NDST3: variants seen among roughly 807,000 people sequenced by gnomAD.
The protein encoded by NDST3 is bifunctional heparan sulfate N-deacetylase/N-sulfotransferase 3.
NDST3 carries 58 observed loss-of-function variants against 96.1 expected under a neutral mutation model. The observed-to-expected ratio is 0.60, with a 90% confidence interval of 0.49 to 0.75. NDST3 has a LOEUF of 0.75. Ranked by LOEUF, NDST3 falls within the 30% of genes least tolerant of loss-of-function variation. The pLI, the probability that NDST3 is intolerant of heterozygous loss-of-function variation, is 0.00. For synonymous variants in NDST3, 333 were observed against 359.7 expected (o/e 0.93, Z 0.84); for missense variants, 788 against 1,034.2 (o/e 0.76, Z 3.27).
At chr4:118,068,803 A>G (rs1197099543) in intron 2 of NDST3, among the ~76,000 whole-genome samples, 4 of 152,136 alleles carry the variant, frequency 2.6e-5, no homozygotes, top group Non-Finnish European at 4.4e-5. Context: ...ATTTAATTTT[A>G]CATATATAAG....
At chr4:118,137,428 T>C (rs755247083) in intron 4 of NDST3, among the ~76,000 whole-genome samples, 10 of 152,058 alleles carry the variant, frequency 6.6e-5, no homozygotes, top group Non-Finnish European at 1.3e-4. Context: ...ATTTGGCTGT[T>C]TCAGTACCTT....
At chr4:118,209,367 TG>T (rs988276236) in intron 6 of NDST3, among the ~76,000 whole-genome samples, 3 of 152,168 alleles carry the variant, frequency 2.0e-5, no homozygotes, top group African/African-American at 7.2e-5. Flanking sequence ...CTAACTGCAA[TG>T]GGGTCTTTCA....
At chr4:118,114,651 T>C (rs534888324) in intron 3 of NDST3, among the ~76,000 whole-genome samples, 155 bp from the exon 4 acceptor site, 1 of 152,376 alleles carries the variant, frequency 6.6e-6, no homozygotes, top group South Asian at 2.1e-4. Context: ...TAACAGATTT[T>C]CCTTGATACA....
At chr4:118,184,642 C>CACACAT (rs1560703570) in intron 6 of NDST3, among the ~76,000 whole-genome samples, 4 of 150,524 alleles carry the variant, frequency 2.7e-5, no homozygotes, top group African/African-American at 9.8e-5. Context: ...CACACACACA[C>CACACAT]ATATTCTCTG....
At chr4:118,247,489 T>G (rs1220153367) in intron 12 of NDST3, among the ~76,000 whole-genome samples, 1 of 150,092 alleles carries the variant, frequency 6.7e-6, no homozygotes. Context: ...GAGGTGGAGG[T>G]TGCAGTGAGC....
intron 6 of NDST3, chr4:118,194,149 C>T (rs1337480514): frequency 1.5e-5 from 14 of 921,804 alleles, no homozygotes; most frequent in South Asian, 9.0e-5. Flanking sequence ...CTCCTTTCTA[C>T]ATGCACTGAA....
chr4:118,194,257 C>G (rs993060744), intron 6 of NDST3: 2 of 723,240 alleles, frequency 2.8e-6, no homozygotes, highest in African/African-American at 3.5e-5. Flanking sequence ...TGATAGCACC[C>G]TCATTGGGCC....
chr4:118,149,023 A>G (rs1734173005), intron 6 of NDST3, among the ~76,000 whole-genome samples: 1 of 151,944 alleles, frequency 6.6e-6, no homozygotes, highest in Admixed American at 6.6e-5. Flanking sequence ...TCCTTTCCCC[A>G]TTGCTTGTTT....
At chr4:118,201,981 T>C (rs1475964150) in intron 6 of NDST3, among the ~76,000 whole-genome samples, 1 of 152,086 alleles carries the variant, frequency 6.6e-6, no homozygotes, top group East Asian at 1.9e-4. Flanking sequence ...AAGGTAGGGG[T>C]CTGGTTTCAT....
chr4:118,206,200 A>T (rs2125983632), intron 6 of NDST3, among the ~76,000 whole-genome samples: 1 of 144,384 alleles, frequency 6.9e-6, no homozygotes, highest in Admixed American at 6.9e-5. Context: ...CCTTCCTGTC[A>T]TCTGTGAACT....
chr4:118,181,254 C>T (rs1473554730), intron 6 of NDST3, among the ~76,000 whole-genome samples: 1 of 151,988 alleles, frequency 6.6e-6, no homozygotes, highest in Non-Finnish European at 1.5e-5. Context: ...TTTCCCATCT[C>T]CTGACCACCA....
At chr4:118,243,702 T>C (rs1741140798) in intron 12 of NDST3, among the ~76,000 whole-genome samples, 1 of 152,230 alleles carries the variant, frequency 6.6e-6, no homozygotes, top group Non-Finnish European at 1.5e-5. Flanking sequence ...TGGGTCTTTT[T>C]TATAGAGTAT....
intron 3 of NDST3, among the ~76,000 whole-genome samples, chr4:118,114,339 T>G (rs556583951): frequency 4.1e-4 from 62 of 152,298 alleles, no homozygotes; most frequent in African/African-American, 1.4e-3. Flanking sequence ...ACTGAGTAAC[T>G]TCTTCCCAGA....
intron 3 of NDST3, among the ~76,000 whole-genome samples, chr4:118,107,950 T>C (rs1730335707): frequency 6.6e-6 from 1 of 152,010 alleles, no homozygotes; most frequent in African/African-American, 2.4e-5. Context: ...AGAAAAGAGG[T>C]TTAAAGGACT....
chr4:118,148,937 T>G (rs1272150883), intron 6 of NDST3, among the ~76,000 whole-genome samples: 3 of 152,150 alleles, frequency 2.0e-5, no homozygotes, highest in African/African-American at 7.2e-5. Flanking sequence ...TTGTATAAGG[T>G]GTAAGGAAGG....
intron 4 of NDST3, among the ~76,000 whole-genome samples, chr4:118,136,554 G>C (rs1011472187): frequency 3.3e-5 from 5 of 152,070 alleles, no homozygotes; most frequent in African/African-American, 4.8e-5. Flanking sequence ...TAAATATGAT[G>C]GTTATGTAGT....
chr4:118,202,100 G>A (rs1166588233), intron 6 of NDST3, among the ~76,000 whole-genome samples: 1 of 152,130 alleles, frequency 6.6e-6, no homozygotes, highest in Non-Finnish European at 1.5e-5. Flanking sequence ...TGTGGTAGGT[G>A]TGCATCTTTA....
chr4:118,247,093 A>G (rs1193732319), intron 12 of NDST3, among the ~76,000 whole-genome samples: 1 of 152,192 alleles, frequency 6.6e-6, no homozygotes, highest in East Asian at 1.9e-4. Flanking sequence ...ACCTAAGTCC[A>G]TAAAAGCTAG....
chr4:118,214,506 T>C (rs960515468), intron 6 of NDST3, among the ~76,000 whole-genome samples: 1 of 152,190 alleles, frequency 6.6e-6, no homozygotes, highest in African/African-American at 2.4e-5. Flanking sequence ...TTGATTTTAT[T>C]CAATTATTAT....
Sources: gnomAD v4.1 joint callset for allele counts (sites outside exome capture counted in the v4.1 genomes callset) on GRCh38, gnomAD v4.1.1 for gene constraint, MANE v1.5 for transcripts, NCBI Gene and HGNC (gene_info 2026-07-23, HGNC 2026-07-21) for gene names.